The following STX8 variants were observed in gnomAD, a reference collection of about 807,000 sequenced individuals.
The protein encoded by STX8 is syntaxin-8.
Under a neutral mutation model 37.5 loss-of-function variants are expected in STX8, and 23 were observed. That is an observed-to-expected ratio of 0.61 (90% CI 0.44 to 0.87). The LOEUF is 0.87. Ranked by LOEUF, STX8 falls within the 40% of genes least tolerant of loss-of-function variation. The probability of loss-of-function intolerance (pLI) is 0.00; values close to 1 mark genes in which losing one functional copy is unlikely to be tolerated. For missense variants in STX8, 313 were observed against 284.7 expected, an observed-to-expected ratio of 1.10 and a Z score of -0.71; for synonymous variants, 115 against 99.1, an observed-to-expected ratio of 1.16 and a Z score of -0.95.
At chr17:9,543,292 G>GTACTTTTTT (rs371620984) in intron 4 of STX8, among the ~76,000 whole-genome samples, 11 of 34,000 alleles carry the variant, frequency 3.2e-4, no homozygotes, top group African/African-American at 1.7e-3. Context: ...CTAGAAGACA[G>GTACTTTTTT]TTTTTTGGTT....
intron 4 of STX8, among the ~76,000 whole-genome samples, chr17:9,515,732 C>G (rs1358372685): frequency 3.3e-5 from 5 of 152,042 alleles, no homozygotes; most frequent in Non-Finnish European, 7.4e-5. Context: ...CTATGTTGCC[C>G]AAGTTAGTCT....
chr17:9,403,772 G>A (rs1253541570), intron 6 of STX8, among the ~76,000 whole-genome samples: 1 of 151,830 alleles, frequency 6.6e-6, no homozygotes, highest in Non-Finnish European at 1.5e-5. Context: ...TCAGCCTCCC[G>A]ACTAGCTGGG....
chr17:9,299,534 C>T (rs1383128979), intron 7 of STX8, among the ~76,000 whole-genome samples: 3 of 151,440 alleles, frequency 2.0e-5, no homozygotes, highest in Non-Finnish European at 4.4e-5. Context: ...AGCTCTGCCT[C>T]CCAGGTTCAC....
At chr17:9,323,930 G>A (rs934389552) in intron 7 of STX8, among the ~76,000 whole-genome samples, 4 of 152,166 alleles carry the variant, frequency 2.6e-5, no homozygotes, top group Admixed American at 6.6e-5. Context: ...CAAGAATGAG[G>A]TGGTACCTGC....
intron 7 of STX8, among the ~76,000 whole-genome samples, chr17:9,359,859 C>A (rs534345979): frequency 1.3e-5 from 2 of 151,936 alleles, no homozygotes; most frequent in Admixed American, 6.6e-5. Flanking sequence ...GGGAAGGGAT[C>A]AAAGGTGATT....
At chr17:9,407,655 C>T (rs865950550) in intron 6 of STX8, among the ~76,000 whole-genome samples, 4 of 105,412 alleles carry the variant, frequency 3.8e-5, no homozygotes, top group African/African-American at 7.5e-5. Flanking sequence ...TCCAGAAAGG[C>T]GGGACAACTC....
chr17:9,541,817 T>C (rs1466641981), intron 4 of STX8, among the ~76,000 whole-genome samples: 1 of 152,082 alleles, frequency 6.6e-6, no homozygotes, highest in African/African-American at 2.4e-5. Flanking sequence ...GCACAGTGCC[T>C]ACCATATAAA....
chr17:9,454,604 C>T (rs186440660), intron 6 of STX8, among the ~76,000 whole-genome samples: 73 of 149,122 alleles, frequency 4.9e-4, no homozygotes, highest in African/African-American at 1.7e-3. Context: ...GGCGCAAACC[C>T]GGGAGGCGGA....
At chr17:9,267,391 T>A (rs977693756) in intron 7 of STX8, among the ~76,000 whole-genome samples, 10 of 152,224 alleles carry the variant, frequency 6.6e-5, no homozygotes, top group Admixed American at 5.2e-4. Flanking sequence ...CAACGTGGCA[T>A]TCCTGATCTC....
intron 6 of STX8, among the ~76,000 whole-genome samples, chr17:9,477,369 C>T (rs1019331286): frequency 6.6e-6 from 1 of 152,118 alleles, no homozygotes; most frequent in Non-Finnish European, 1.5e-5. Context: ...GATGAATAAA[C>T]CAAAACTTAC....
At chr17:9,265,971 C>T (rs1490691519) in intron 7 of STX8, among the ~76,000 whole-genome samples, 1 of 152,130 alleles carries the variant, frequency 6.6e-6, no homozygotes, top group Non-Finnish European at 1.5e-5. Flanking sequence ...ACCCCCTTTC[C>T]CTCGAGTCCT....
chr17:9,313,059 C>G (rs550472974), intron 7 of STX8, among the ~76,000 whole-genome samples: 3 of 152,022 alleles, frequency 2.0e-5, no homozygotes, highest in Non-Finnish European at 4.4e-5. Context: ...GGCATGGTGG[C>G]GCATGCCTGT....
intron 3 of STX8, among the ~76,000 whole-genome samples, chr17:9,552,464 A>C (rs144717411): frequency 4.9e-4 from 75 of 152,320 alleles, no homozygotes; most frequent in African/African-American, 1.6e-3. Flanking sequence ...ACAGTGTTTG[A>C]AAACCACTTC....
At chr17:9,552,082 T>A (rs1906785581) in intron 3 of STX8, among the ~76,000 whole-genome samples, 1 of 152,160 alleles carries the variant, frequency 6.6e-6, no homozygotes, top group Admixed American at 6.5e-5. Flanking sequence ...CTTGATATGG[T>A]GGCTCACACC....
intron 6 of STX8, among the ~76,000 whole-genome samples, chr17:9,450,257 G>C (rs1904997172): frequency 6.6e-6 from 1 of 150,962 alleles, no homozygotes; most frequent in Non-Finnish European, 1.5e-5. Flanking sequence ...TGTATTTTTA[G>C]TAGAGATGGG....
intron 6 of STX8, among the ~76,000 whole-genome samples, chr17:9,426,212 C>T (rs9915782): frequency 0.57 from 86,557 of 151,912 alleles, 26,531 homozygotes; most frequent in African/African-American, 0.79. Flanking sequence ...GGCAGGAGGA[C>T]TGCTTAAGTG....
intron 7 of STX8, among the ~76,000 whole-genome samples, chr17:9,291,654 A>G (rs1182996064): frequency 1.3e-5 from 2 of 152,148 alleles, no homozygotes; most frequent in Admixed American, 1.3e-4. Context: ...AACAGCTTTG[A>G]GATTTTATAT....
intron 5 of STX8, 106 bp from the exon 6 acceptor site, chr17:9,492,027 GA>G (rs1555531582): frequency 2.0e-5 from 14 of 684,084 alleles, no homozygotes; most frequent in Admixed American, 3.5e-5. Flanking sequence ...AATCAGTCAG[GA>G]AAAAAAAGAG....
intron 4 of STX8, among the ~76,000 whole-genome samples, chr17:9,536,741 A>C (rs1180527667): frequency 7.3e-6 from 1 of 136,168 alleles, no homozygotes; most frequent in Non-Finnish European, 1.5e-5. Context: ...GAATGGGCTT[A>C]TTATTATTTT....
Sources: gnomAD v4.1 joint callset for allele counts (sites outside exome capture counted in the v4.1 genomes callset) on GRCh38, gnomAD v4.1.1 for gene constraint, MANE v1.5 for transcripts, NCBI Gene and HGNC (gene_info 2026-07-23, HGNC 2026-07-21) for gene names.